The following SYNE2 variants were observed in gnomAD, a reference collection of about 807,000 sequenced individuals.
SYNE2 encodes the protein spectrin repeat containing nuclear envelope protein 2.
Under a neutral mutation model 856.3 loss-of-function variants are expected in SYNE2, and 431 were observed. The observed-to-expected ratio is 0.50, with a 90% CI of 0.47 to 0.55. SYNE2 has a LOEUF of 0.55. Ranked by LOEUF, SYNE2 falls within the 20% of genes least tolerant of loss-of-function variation. The pLI is 0.00. For missense variants in SYNE2, 8,129 were observed against 8,023.2 expected, an observed-to-expected ratio of 1.01 and a Z score of -0.50; for synonymous variants, 2,923 against 2,872.3, an observed-to-expected ratio of 1.02 and a Z score of -0.56.
chr14:64,209,170 G>T (rs1165567580), intron 101 of SYNE2: 10 of 817,542 alleles, frequency 1.2e-5, no homozygotes. Flanking sequence ...ACTGGCCGCT[G>T]TGCTTCCGTT....
At chr14:63,919,370 A>G (rs780642875) in intron 2 of SYNE2, among the ~76,000 whole-genome samples, 5 of 152,224 alleles carry the variant, frequency 3.3e-5, no homozygotes, top group Non-Finnish European at 5.9e-5. Flanking sequence ...CGATCGAATA[A>G]CAAGGAACTG....
intron 2 of SYNE2, among the ~76,000 whole-genome samples, chr14:63,921,049 A>C (rs1297412711): frequency 6.6e-6 from 1 of 152,168 alleles, no homozygotes; most frequent in Non-Finnish European, 1.5e-5. Context: ...TGGGAGGTGG[A>C]AGCTGCAGTG....
At chr14:64,081,337 A>G in intron 56 of SYNE2, 106 bp from the exon 57 acceptor site, 1 of 1,425,942 alleles carries the variant, frequency 7.0e-7, no homozygotes, top group Non-Finnish European at 9.9e-7. Context: ...AGACATCTGC[A>G]AGGCCTGACA....
chr14:64,057,206 A>C (rs1269962093), intron 49 of SYNE2, among the ~76,000 whole-genome samples: 1 of 152,070 alleles, frequency 6.6e-6, no homozygotes, highest in Non-Finnish European at 1.5e-5. Context: ...GGTGCTATCA[A>C]TACTAGATCT....
chr14:63,965,133 T>C (rs994172695), intron 10 of SYNE2, among the ~76,000 whole-genome samples: 1 of 151,988 alleles, frequency 6.6e-6, no homozygotes, highest in Non-Finnish European at 1.5e-5. Flanking sequence ...CGGCTAATTT[T>C]TATATTTTTA....
chr14:64,087,781 A>G lies in SYNE2; in HGVS notation c.11595A>G (p.Gln3865=). The G allele has an allele frequency of 1.2e-6, 2 of 1,614,128 alleles. No homozygotes were observed. The highest frequency in any genetic ancestry group is 1.7e-6 in the Non-Finnish European group (2 of 1,179,962). ...FETDELTQSI[Q]ELSNQVTALQ... ...CAGATGAATTAACCCAATCCATACA[A>G]GAGTTAAGTAATCAAGTAACAGCTT... is the stretch of plus-strand genomic sequence containing the variant. The change falls in exon 58 of 116, where the codon CAA becomes CAG. Residue 3865 remains glutamine (Q), a synonymous_variant. Transcript: ENST00000555002.
At chr14:63,864,242 G>C (rs1180442520) in intron 1 of SYNE2, 1 of 152,146 alleles carries the variant, frequency 6.6e-6, no homozygotes, top group Admixed American at 6.5e-5. Flanking sequence ...CTGTTAATAC[G>C]TCTTTGTTTA....
chr14:64,202,990 C>G (rs757785291), intron 100 of SYNE2, 27 bp downstream of exon 100: 62 of 1,613,184 alleles, frequency 3.8e-5, no homozygotes, highest in Non-Finnish European at 5.3e-5. Context: ...TGAGCTCTTG[C>G]AAGAGTACGG....
At chr14:64,104,231 C>G (rs1264663557) in intron 64 of SYNE2, among the ~76,000 whole-genome samples, 1 of 152,090 alleles carries the variant, frequency 6.6e-6, no homozygotes, top group Non-Finnish European at 1.5e-5. Flanking sequence ...AATTCAATAC[C>G]CTTTTATTAG....
intron 76 of SYNE2, among the ~76,000 whole-genome samples, chr14:64,130,991 C>T (rs2098013820): frequency 6.6e-6 from 1 of 151,934 alleles, no homozygotes; most frequent in East Asian, 1.9e-4. Context: ...TTTTAAAATT[C>T]ATTTCATTAA....
At chr14:63,956,397 T>C (rs1414033271) in intron 8 of SYNE2, 1 of 456,526 alleles carries the variant, frequency 2.2e-6, no homozygotes, top group East Asian at 6.9e-5. Context: ...ATTTATATGA[T>C]TTAATTTTTA....
chr14:64,089,717 A>G (rs777802478), intron 59 of SYNE2, 21 bp downstream of exon 59: 6 of 1,529,026 alleles, frequency 3.9e-6, no homozygotes, highest in East Asian at 4.5e-5. Flanking sequence ...ATTATTATTT[A>G]AAGTATTTTC....
intron 59 of SYNE2, 122 bp from the exon 60 acceptor site, chr14:64,090,744 T>C (rs573053745): frequency 1.1e-6 from 1 of 890,208 alleles, no homozygotes; most frequent in Non-Finnish European, 1.7e-6. Context: ...CAATCTGAGC[T>C]AAGAAATTAT....
Position 64,016,514 on chromosome 14 carries a change from T to A in SYNE2, c.4770T>A (p.Val1590=). Residue 1590 remains valine (V), a synonymous_variant, in exon 33 of 116, where the codon GTT becomes GTA. Coordinates refer to ENST00000555002, the MANE Select transcript of SYNE2 (RefSeq NM_182914.3). ...AAGAATTTAATGAGCATTTAGAAGT[T>A]GTAGACAAGATAAACCAGGTCTGCA... ...VKEEFNEHLE[V]VDKINQVCKN... 1 of 1,600,908 alleles carries A rather than the reference T, an allele frequency of 6.2e-7. No homozygotes were observed. The highest frequency in any genetic ancestry group is 8.5e-7 in the Non-Finnish European group (1 of 1,173,038).
intron 1 of SYNE2, among the ~76,000 whole-genome samples, chr14:63,895,775 C>CA (rs10544076): frequency 0.033 from 3,078 of 92,536 alleles, 82 homozygotes; most frequent in African/African-American, 0.066. Context: ...TCCAAATCTC[C>CA]AAAAAAAAAA....
rs761930659 is a variant in SYNE2, at chr14:63,797,564, TCTG to T, written c.-305+35579_-305+35581del. Among the ~76,000 whole-genome samples the T allele has an allele frequency of 1.3e-3, 195 of 151,894 alleles. 1 individual carries two copies. Among genetic ancestry groups the T allele is most frequent in the Admixed American group, 3.2e-3 (49 of 15,242 alleles). On this transcript the variant is annotated intron_variant, in intron 1 of 23. Coordinates refer to the SYNE2 transcript ENST00000674003. ...TCAAGCAATTCTCCTGTCTCAGCCT[TCTG>T]AGTAGCTGGGATTACAGGCATGCGC... is the stretch of plus-strand genomic sequence containing the variant.
chr14:64,001,603 C>G (rs1343091030), intron 28 of SYNE2, among the ~76,000 whole-genome samples: 2 of 152,134 alleles, frequency 1.3e-5, no homozygotes, highest in Non-Finnish European at 1.5e-5. Flanking sequence ...TTAATGATAC[C>G]AAAACAGCTG....
At chr14:64,073,880 T>C (rs2097434245) in intron 52 of SYNE2, 88 bp from the exon 53 acceptor site, 1 of 1,425,564 alleles carries the variant, frequency 7.0e-7, no homozygotes, top group Non-Finnish European at 9.8e-7. Context: ...TATTCAGGCA[T>C]TTCATTAATT....
chr14:64,087,375 A>G (rs768837218), intron 57 of SYNE2: 1 of 561,242 alleles, frequency 1.8e-6, no homozygotes, highest in Non-Finnish European at 3.5e-6. Context: ...GAAAGGGCTT[A>G]TTATGTATAA....
Sources: gnomAD v4.1 joint callset for allele counts (sites outside exome capture counted in the v4.1 genomes callset) on GRCh38, gnomAD v4.1.1 for gene constraint, MANE v1.5 for transcripts, NCBI Gene and HGNC (gene_info 2026-07-23, HGNC 2026-07-21) for gene names.